Variants in RAB38 observed in about 807,000 individuals in gnomAD.
The protein encoded by RAB38 is ras-related protein Rab-38.
Under a neutral mutation model 18.4 loss-of-function variants are expected in RAB38, and 15 were observed. That is an observed-to-expected ratio of 0.82 (90% CI 0.55 to 1.26). The LOEUF (loss-of-function observed/expected upper bound fraction) is 1.26, where lower values mean the gene tolerates loss of function less well. Among genes scored for constraint, RAB38 ranks in the 50% most tolerant of loss-of-function variants. The pLI, the probability that RAB38 is intolerant of heterozygous loss-of-function variation, is 0.00. For synonymous variants in RAB38, 101 were observed against 104.4 expected (o/e 0.97, Z 0.20); for missense variants, 294 against 267.4 (o/e 1.10, Z -0.69).
the RAB38 span, among the ~76,000 whole-genome samples, chr11:88,005,979 C>T: frequency 1.3e-5 from 2 of 151,302 alleles, no homozygotes; most frequent in Non-Finnish European, 3.0e-5. Context: ...TATGACAGAG[C>T]CATGCTGTTT....
At chr11:88,126,783 T>C (rs2134788237) in intron 2 of RAB38, among the ~76,000 whole-genome samples, 1 of 152,144 alleles carries the variant, frequency 6.6e-6, no homozygotes, top group Non-Finnish European at 1.5e-5. Context: ...CACCATAACC[T>C]CTCTCTCAGC....
At chr11:88,155,355 T>C (rs1452470414) in intron 1 of RAB38, among the ~76,000 whole-genome samples, 3 of 152,150 alleles carry the variant, frequency 2.0e-5, no homozygotes, top group Admixed American at 2.0e-4. Flanking sequence ...CCTGCTATCA[T>C]GCATAAGCAC....
At chr11:87,977,599 A>G in the RAB38 span, among the ~76,000 whole-genome samples, 2 of 117,996 alleles carry the variant, frequency 1.7e-5, no homozygotes, top group African/African-American at 3.3e-5. Flanking sequence ...ATAATTATGT[A>G]CTATACAATT....
the RAB38 span, among the ~76,000 whole-genome samples, chr11:87,956,307 A>G: frequency 3.3e-5 from 5 of 152,202 alleles, no homozygotes; most frequent in Non-Finnish European, 4.4e-5. Context: ...TGTTCTTATT[A>G]TAAAATTACA....
the RAB38 span, among the ~76,000 whole-genome samples, chr11:88,031,928 C>T: frequency 1.3e-5 from 2 of 151,792 alleles, no homozygotes; most frequent in African/African-American, 4.8e-5. Context: ...CCAAGTCAAT[C>T]CTAAGCCAAA....
the RAB38 span, among the ~76,000 whole-genome samples, chr11:87,925,319 G>A: frequency 1.1e-4 from 16 of 152,018 alleles, no homozygotes; most frequent in Non-Finnish European, 2.2e-4. Flanking sequence ...CCCAATTAAT[G>A]CTAACTTAAG....
At position 88,113,458 on chromosome 11, in the gene RAB38, A is replaced by G. The variant is rs571174877; in HGVS notation, c.*530T>C. 6.4e-6 allele frequency: 1 copy of G among 157,164 alleles called. No homozygotes were observed. Among genetic ancestry groups the G allele is most frequent in the Non-Finnish European group, 1.4e-5 (1 of 70,668 alleles). The allele number at this position is 157,164 out of a possible 1,614,324, so 9.7% of individuals were successfully genotyped here. On this transcript the variant is annotated 3_prime_UTR_variant, in exon 3 of 3. Transcript: ENST00000243662. ...AAGTGACAGTTAGGACAAGGACAAT[A>G]TAGCACACCTGTGTTCACGATTCCA...
At chr11:88,018,034 C>T in the RAB38 span, among the ~76,000 whole-genome samples, 252 of 152,206 alleles carry the variant, frequency 1.7e-3, 1 homozygote, top group Non-Finnish European at 2.4e-3. Context: ...CTTTCACCTT[C>T]CTCCACGATT....
chr11:88,042,052 G>T, the RAB38 span, among the ~76,000 whole-genome samples: 1 of 152,046 alleles, frequency 6.6e-6, no homozygotes, highest in Non-Finnish European at 1.5e-5. Context: ...GCATATAATA[G>T]ATTTCTTCAC....
the RAB38 span, among the ~76,000 whole-genome samples, chr11:88,058,678 G>C: frequency 6.6e-6 from 1 of 152,136 alleles, no homozygotes. Flanking sequence ...TGGCCTTTTT[G>C]TTGTGCATGA....
the RAB38 span, among the ~76,000 whole-genome samples, chr11:87,927,210 G>A: frequency 2.2e-4 from 34 of 152,124 alleles, 1 homozygote; most frequent in Middle Eastern, 3.4e-3. Flanking sequence ...ATACCTGGCT[G>A]TGAGCTACCT....
At chr11:88,136,377 C>A (rs542285362) in intron 2 of RAB38, among the ~76,000 whole-genome samples, 27 of 152,088 alleles carry the variant, frequency 1.8e-4, no homozygotes, top group African/African-American at 4.1e-4. Flanking sequence ...ATGTGGCCAA[C>A]AAGACACATC....
the RAB38 span, among the ~76,000 whole-genome samples, chr11:87,971,090 CG>C: frequency 5.3e-5 from 8 of 152,032 alleles, no homozygotes; most frequent in African/African-American, 1.9e-4. Flanking sequence ...CAGCGTTGCA[CG>C]GTTCTTCAAT....
At chr11:87,911,618 G>A in the RAB38 span, among the ~76,000 whole-genome samples, 1 of 151,942 alleles carries the variant, frequency 6.6e-6, no homozygotes, top group Non-Finnish European at 1.5e-5. Flanking sequence ...AGAATTTTCT[G>A]AAGATTCCAT....
chr11:88,055,398 C>T, the RAB38 span, among the ~76,000 whole-genome samples: 1 of 152,128 alleles, frequency 6.6e-6, no homozygotes, highest in East Asian at 1.9e-4. Flanking sequence ...AACAGATACA[C>T]AGTAACATGA....
the RAB38 span, among the ~76,000 whole-genome samples, chr11:87,927,148 G>C: frequency 3.3e-3 from 504 of 152,080 alleles, 2 homozygotes; most frequent in African/African-American, 0.012. Context: ...TACAATTTGG[G>C]ATGTGAATCT....
chr11:87,865,716 AG>A, the RAB38 span, among the ~76,000 whole-genome samples: 1 of 151,746 alleles, frequency 6.6e-6, no homozygotes, highest in African/African-American at 2.4e-5. Flanking sequence ...GGAAAAGAGA[AG>A]GAAGGAAGAA....
chr11:87,840,029 A>G, the RAB38 span, among the ~76,000 whole-genome samples: 3 of 152,208 alleles, frequency 2.0e-5, no homozygotes, highest in African/African-American at 4.8e-5. Context: ...ATGTAATGTC[A>G]TTAGTGAAAC....
chr11:87,939,301 C>T, the RAB38 span, among the ~76,000 whole-genome samples: 15 of 151,872 alleles, frequency 9.9e-5, no homozygotes, highest in Non-Finnish European at 1.9e-4. Flanking sequence ...CACACACATT[C>T]ACATACAAAA....
Sources: allele counts gnomAD v4.1 joint callset (sites outside exome capture counted in the v4.1 genomes callset), GRCh38; gene constraint gnomAD v4.1.1; transcripts MANE v1.5; gene names NCBI Gene and HGNC (gene_info 2026-07-23, HGNC 2026-07-21).